The following CPS1 variants were observed in gnomAD, a reference collection of about 807,000 sequenced individuals.
CPS1 encodes the protein carbamoyl-phosphate synthase [ammonia], mitochondrial.
In CPS1, 109 loss-of-function variants were observed where a neutral mutation model predicts 174.6. The observed-to-expected ratio is 0.62, with a 90% CI of 0.53 to 0.73. The LOEUF (loss-of-function observed/expected upper bound fraction) is 0.73, where lower values mean the gene tolerates loss of function less well. CPS1 is among the 30% of genes least tolerant of loss of function. The probability of loss-of-function intolerance (pLI) is 0.00; values close to 1 mark genes in which losing one functional copy is unlikely to be tolerated. For missense variants in CPS1, 1,689 were observed against 1,821.9 expected, an observed-to-expected ratio of 0.93 and a Z score of 1.33; for synonymous variants, 637 against 632.0, an observed-to-expected ratio of 1.01 and a Z score of -0.12.
chr2:210,600,794 A>G (rs2105840832), intron 15 of CPS1, 82 bp downstream of exon 15: 2 of 1,428,302 alleles, frequency 1.4e-6, no homozygotes, highest in Non-Finnish European at 2.0e-6. Flanking sequence ...CCTAATAATA[A>G]TAGTTAAGAT....
At chr2:210,582,499 C>T (rs538219952) in intron 5 of CPS1, 118 bp from the exon 6 acceptor site, 68 of 769,054 alleles carry the variant, frequency 8.8e-5, no homozygotes, top group Admixed American at 5.2e-4. Flanking sequence ...ATGATGGTTA[C>T]GAGTAGTTAT....
At chr2:210,556,218 C>A, upstream of CPS1, 1 of 385,006 alleles carries the variant, frequency 2.6e-6, no homozygotes, top group East Asian at 7.4e-5. Context: ...GTAAAAAGAA[C>A]ATTGTCTTTT....
chr2:210,482,775 C>T (rs1339672989), intron 1 of CPS1, among the ~76,000 whole-genome samples: 1 of 152,096 alleles, frequency 6.6e-6, no homozygotes, highest in Non-Finnish European at 1.5e-5. Context: ...CATCAATTTA[C>T]ATTTGTTATA....
chr2:210,546,287 G>A (rs549565877), intron 1 of CPS1, among the ~76,000 whole-genome samples: 2 of 152,098 alleles, frequency 1.3e-5, no homozygotes, highest in African/African-American at 2.4e-5. Flanking sequence ...CTAATTTGTC[G>A]ATATTAAACA....
Position 210,616,513 on chromosome 2 carries a change from A to G in CPS1, c.2659A>G (p.Met887Val). 1 of 1,610,796 alleles carries G rather than the reference A, an allele frequency of 6.2e-7. No homozygotes were observed. Among genetic ancestry groups the G allele is most frequent in the Non-Finnish European group, 8.5e-7 (1 of 1,177,390 alleles). ...FLYKMRDILN[M>V]EKTLKGLNSE... ...GTATAAGATGCGTGATATTTTAAACATGGAAAAGACACTGAAAGGCCTCAA... is the reference window on the plus strand; with the variant it reads ...GTATAAGATGCGTGATATTTTAAACGTGGAAAAGACACTGAAAGGCCTCAA... The change falls in exon 21 of 38, where the codon ATG becomes GTG. Residue 887 changes from methionine to valine, a missense_variant. Met to Val is a conservative substitution (Grantham distance 21). Coordinates refer to ENST00000233072, the MANE Select transcript of CPS1 (RefSeq NM_001875.5).
chr2:210,609,161 T>G (rs918278706), intron 19 of CPS1, among the ~76,000 whole-genome samples: 11 of 152,006 alleles, frequency 7.2e-5, no homozygotes, highest in Non-Finnish European at 1.5e-4. Flanking sequence ...TTTAGAAGAT[T>G]TTTTAGAATG....
intron 15 of CPS1, among the ~76,000 whole-genome samples, chr2:210,601,877 A>G (rs1291670491): frequency 1.3e-5 from 2 of 151,940 alleles, no homozygotes; most frequent in East Asian, 3.9e-4. Flanking sequence ...TAAAAATCCA[A>G]TAATTCAATA....
chr2:210,572,703 C>T (rs1370019317), intron 1 of CPS1, among the ~76,000 whole-genome samples: 1 of 151,972 alleles, frequency 6.6e-6, no homozygotes, highest in East Asian at 1.9e-4. Context: ...TAGAATGTTC[C>T]ACAGTGCTTG....
At chr2:210,488,030 G>T (rs1559731899) in intron 1 of CPS1, among the ~76,000 whole-genome samples, 1 of 152,154 alleles carries the variant, frequency 6.6e-6, no homozygotes, top group Non-Finnish European at 1.5e-5. Flanking sequence ...CAACTTACAG[G>T]TCTGTGCTGG....
intron 1 of CPS1, among the ~76,000 whole-genome samples, chr2:210,486,610 A>G (rs1253669513): frequency 6.6e-6 from 1 of 152,182 alleles, no homozygotes; most frequent in Non-Finnish European, 1.5e-5. Flanking sequence ...TCCTGGGTTC[A>G]AGCGATTCTC....
In CPS1 at chr2:210,505,197, T is replaced by A. The variant is rs549810207; in HGVS notation, c.3+27431T>A. ...AAGAAAGCACCTAGAAGGAAGAAAT[T>A]CATCCTATAATTAGGGCTCTGAAAT... is the stretch of plus-strand genomic sequence containing the variant. On this transcript the variant is annotated intron_variant, in intron 1 of 38. Transcript: ENST00000430249. 7.9e-5 allele frequency among the ~76,000 whole-genome samples: 12 copies of A among 151,926 alleles called. No homozygotes were observed. The South Asian group carries it at 2.1e-3, about 27-fold the overall frequency.
rs745616278 is a variant in CPS1 at position 210,556,811 on chromosome 2, C to T, written c.78C>T (p.His26=). ...TTGGCTTTACCAATGTGACTGCACA[C>T]CAAAAATGGAAATTTTCAAGACCTG... ...TGFGFTNVTA[H]QKWKFSRPGI... The change falls in exon 1 of 38, where the codon CAC becomes CAT. Residue 26 remains histidine, a synonymous_variant. Transcript: ENST00000233072. 3 of 1,613,098 alleles carry T rather than the reference C, an allele frequency of 1.9e-6. No homozygotes were observed. Among genetic ancestry groups the T allele is most frequent in the South Asian group, 1.1e-5 (1 of 91,068 alleles).
chr2:210,640,480 A>G (rs887100754), intron 24 of CPS1, among the ~76,000 whole-genome samples: 2 of 152,210 alleles, frequency 1.3e-5, no homozygotes, highest in African/African-American at 2.4e-5. Context: ...CGTAACATAT[A>G]TGACTTTCGT....
chr2:210,639,618 CAAAAAAAAAAAAAA>C (rs397987630), intron 23 of CPS1, among the ~76,000 whole-genome samples: 6 of 32,058 alleles, frequency 1.9e-4, no homozygotes, highest in African/African-American at 5.3e-4. Context: ...GACTCCGTCT[CAAAAAAAAAAAAAA>C]AAAAAAAAAA....
intron 31 of CPS1, 73 bp downstream of exon 31, chr2:210,658,761 A>G (rs946141315): frequency 2.0e-5 from 23 of 1,123,304 alleles, no homozygotes; most frequent in Non-Finnish European, 2.6e-5. Context: ...CTCTCTGGTA[A>G]TCTTCTCTGT....
chr2:210,485,926 A>G (rs1417317852), intron 1 of CPS1, among the ~76,000 whole-genome samples: 1 of 152,056 alleles, frequency 6.6e-6, no homozygotes, highest in East Asian at 1.9e-4. Context: ...CTTACTTGTC[A>G]ATACTTGGTA....
rs1574560412 is a variant in CPS1 at position 210,590,103 on chromosome 2, C to T, written c.712-3C>T. On this transcript the variant is annotated splice_polypyrimidine_tract_variant and splice_region_variant and intron_variant, in intron 7 of 37. Transcript: ENST00000233072. ...ATTCATCATTCTTGTGTCTCTTTTC[C>T]AGCGAGGAGCTGAAGTGCACTTAGT... is the stretch of plus-strand genomic sequence containing the variant. 1.2e-6 allele frequency: 2 copies of T among 1,612,490 alleles called. No homozygotes were observed. The highest frequency in any genetic ancestry group is 1.1e-5 in the South Asian group (1 of 91,042).
chr2:210,491,058 G>C (rs992805918), intron 1 of CPS1, among the ~76,000 whole-genome samples: 4 of 152,110 alleles, frequency 2.6e-5, no homozygotes, highest in African/African-American at 9.7e-5. Context: ...ATGCTTCCAG[G>C]ATGCTAATTT....
rs564946112 is a variant in CPS1, at chr2:210,570,850, G to A, written c.127-2448G>A. ...AAAACACATCAGAGTTACCTGGGGA[G>A]TTTTCCTAATAAACACACTTCTATT... On this transcript the variant is annotated intron_variant, in intron 1 of 37. Coordinates refer to ENST00000233072, the MANE Select transcript of CPS1 (RefSeq NM_001875.5). Among the ~76,000 whole-genome samples the A allele has an allele frequency of 1.1e-4, 16 of 152,016 alleles. 1 individual carries two copies. The South Asian group carries it at 3.3e-3, about 31-fold the overall frequency.
Sources: gnomAD v4.1 joint callset for allele counts (sites outside exome capture counted in the v4.1 genomes callset) on GRCh38, gnomAD v4.1.1 for gene constraint, MANE v1.5 for transcripts, NCBI Gene and HGNC (gene_info 2026-07-23, HGNC 2026-07-21) for gene names.